CREBBP: variants seen among roughly 807,000 people sequenced by gnomAD.
CREBBP encodes CREB-binding protein.
Under a neutral mutation model 265.0 loss-of-function variants are expected in CREBBP, and 19 were observed. That is an observed-to-expected ratio of 0.07 (90% CI 0.05 to 0.11). The LOEUF (loss-of-function observed/expected upper bound fraction) is 0.11, where lower values mean the gene tolerates loss of function less well. Among genes scored for constraint, CREBBP ranks in the 10% least tolerant of loss-of-function variants. The pLI is 1.00. For synonymous variants in CREBBP, 1,457 were observed against 1,223.7 expected (o/e 1.19, Z -3.98); for missense variants, 2,525 against 3,219.0 (o/e 0.78, Z 5.22).
chr16:3,758,762 G>T, intron 17 of CREBBP, 92 bp downstream of exon 17: 1 of 971,670 alleles, frequency 1.0e-6, no homozygotes, highest in South Asian at 1.3e-5. Flanking sequence ...TCAAGGCAGG[G>T]GGATTATTTT....
At chr16:3,753,698 C>G (rs2052525245) in intron 19 of CREBBP, among the ~76,000 whole-genome samples, 1 of 152,236 alleles carries the variant, frequency 6.6e-6, no homozygotes, top group Admixed American at 6.5e-5. Flanking sequence ...AGTACAGAAA[C>G]TATAAACCAA....
intron 3 of CREBBP, among the ~76,000 whole-genome samples, chr16:3,806,510 G>T (rs879430824): frequency 4.6e-5 from 7 of 151,310 alleles, no homozygotes; most frequent in Admixed American, 2.6e-4. Context: ...TCTTGCAGGA[G>T]ACCACGTGGG....
At chr16:3,879,669 G>A (rs1377289561) in intron 1 of CREBBP, among the ~76,000 whole-genome samples, 163 bp downstream of exon 1, 1 of 152,166 alleles carries the variant, frequency 6.6e-6, no homozygotes, top group African/African-American at 2.4e-5. Context: ...ACAGTCCTGC[G>A]ACGAACTTCC....
chr16:3,778,677 G>C (rs775001363), intron 9 of CREBBP, 23 bp downstream of exon 9: 6 of 1,548,912 alleles, frequency 3.9e-6, no homozygotes, highest in Middle Eastern at 1.7e-4. Context: ...GTAGAGGCCA[G>C]AGCACGGTAA....
chr16:3,874,820 T>C (rs2055367139), intron 1 of CREBBP, among the ~76,000 whole-genome samples: 1 of 152,142 alleles, frequency 6.6e-6, no homozygotes. Context: ...CTCTAGTTTC[T>C]TGGAATACAT....
rs1234402176 is a variant in CREBBP, at chr16:3,728,131, C to T, written c.6916G>A (p.Gly2306Arg). 6.2e-7 allele frequency: 1 copy of T among 1,614,148 alleles called. No homozygotes were observed. Among genetic ancestry groups the T allele is most frequent in the Non-Finnish European group, 8.5e-7 (1 of 1,180,026 alleles). ...LQQQQMKQQI[G>R]SPGQPNPMSP... ...ATGGGGTTCGGCTGGCCTGGGGACCCAATCTGCTGCTTCATCTGCTGTTGC... is the reference window on the plus strand; with the variant it reads ...ATGGGGTTCGGCTGGCCTGGGGACCTAATCTGCTGCTTCATCTGCTGTTGC... Residue 2306 changes from glycine (G) to arginine (R), a missense_variant, in exon 31 of 31, where the codon GGG becomes AGG. Physicochemically the swap from Gly to Arg is moderately radical, Grantham distance 125. Transcript: ENST00000262367. This position sits in a 1 kb window ranked among gnomAD's most constrained non-coding sequence, Gnocchi z 8.7.
At chr16:3,783,634 T>G (rs779973000) in intron 5 of CREBBP, among the ~76,000 whole-genome samples, 9 of 152,156 alleles carry the variant, frequency 5.9e-5, no homozygotes, top group Non-Finnish European at 1.2e-4. Flanking sequence ...AAGGTTGGAG[T>G]GAGGCTTCGC....
chr16:3,795,616 CCTTT>C lies in CREBBP; in HGVS notation c.976-1994_976-1991del, dbSNP rs528562263. 2.7e-3 allele frequency among the ~76,000 whole-genome samples: 408 copies of C among 152,304 alleles called. 1 individual carries two copies. Among genetic ancestry groups the C allele is most frequent in the Non-Finnish European group, 4.7e-3 (318 of 68,030 alleles). On this transcript the variant is annotated intron_variant, in intron 3 of 30. Coordinates refer to ENST00000262367, the MANE Select transcript of CREBBP (RefSeq NM_004380.3). Reference sequence around the variant, plus strand: ...GCATAAACTGGAATCCCTGGCCCCTCCTTTATTTTTTATAACTGTAAATAAAGCT... The same window carrying C: ...GCATAAACTGGAATCCCTGGCCCCTCATTTTTTATAACTGTAAATAAAGCT...
rs773030588 is a variant in CREBBP at position 3,728,258 on chromosome 16, C to G, written c.6789G>C (p.Gln2263His). 5 of 1,612,672 alleles carry G rather than the reference C, an allele frequency of 3.1e-6. No homozygotes were observed. Among genetic ancestry groups the G allele is most frequent in the Admixed American group, 3.3e-5 (2 of 59,982 alleles). Residue 2263 changes from glutamine to histidine, a missense_variant, in exon 31 of 31, where the codon CAG becomes CAC. By Grantham distance (24) the Gln-to-His change is conservative. Transcript: ENST00000262367. The surrounding 1 kb of genome is among the most constrained non-coding windows in gnomAD (Gnocchi z 8.7). ...CAAGCTGTCCCATCTGAGCCGCCAT[C>G]TGGCCCATGGAGCTGCCCTGGAGGG... ...HLPLQGSSMG[Q>H]MAAQMGQLGQ...
chr16:3,815,320 A>C (rs1429632775), intron 2 of CREBBP, among the ~76,000 whole-genome samples: 1 of 152,112 alleles, frequency 6.6e-6, no homozygotes, highest in African/African-American at 2.4e-5. Context: ...CAGGCGGATC[A>C]CTTAAGGTCA....
chr16:3,781,544 T>C (rs1328318908), intron 6 of CREBBP, among the ~76,000 whole-genome samples: 1 of 152,092 alleles, frequency 6.6e-6, no homozygotes, highest in Non-Finnish European at 1.5e-5. Context: ...GTAACCAAAG[T>C]AAGGTGTGTT....
At chr16:3,738,436 A>T in intron 26 of CREBBP, 123 bp downstream of exon 26, 1 of 717,838 alleles carries the variant, frequency 1.4e-6, no homozygotes, top group Middle Eastern at 3.8e-4. Context: ...GAGATTCTGA[A>T]TTGATCTTAG....
chr16:3,799,334 T>C (rs558472968), intron 3 of CREBBP, among the ~76,000 whole-genome samples: 4 of 152,286 alleles, frequency 2.6e-5, no homozygotes, highest in Non-Finnish European at 5.9e-5. Context: ...TAAAAAGCTG[T>C]TTTTAAAAAG....
At chr16:3,759,418 G>A (rs759324399) in intron 16 of CREBBP, among the ~76,000 whole-genome samples, 3 of 151,874 alleles carry the variant, frequency 2.0e-5, no homozygotes, top group African/African-American at 7.3e-5. Flanking sequence ...GTGAAACCTC[G>A]TCTCTACTAA....
Position 3,855,885 on chromosome 16 carries a change from T to C in CREBBP, c.86-4876A>G, listed in dbSNP as rs74460247. Among the ~76,000 whole-genome samples the C allele has an allele frequency of 7.0e-3, 1,060 of 152,358 alleles. 13 individuals are homozygous for C. Among genetic ancestry groups the C allele is most frequent in the Middle Eastern group, 0.017 (5 of 294 alleles). On this transcript the variant is annotated intron_variant, in intron 1 of 30. Coordinates refer to ENST00000262367, the MANE Select transcript of CREBBP (RefSeq NM_004380.3). Reference sequence around the variant, plus strand: ...CTCTCTATCATAACTACTGTTTTGTTTGTTGCCCTCCAGGCTTTGTCCACC... The same window carrying C: ...CTCTCTATCATAACTACTGTTTTGTCTGTTGCCCTCCAGGCTTTGTCCACC...
At chr16:3,763,242 A>T (rs1290060081) in intron 16 of CREBBP, among the ~76,000 whole-genome samples, 1 of 149,306 alleles carries the variant, frequency 6.7e-6, no homozygotes, top group Non-Finnish European at 1.5e-5. Context: ...TGCAAACTTG[A>T]CCTCCTAGGC....
chr16:3,751,519 G>C (rs142110987), intron 20 of CREBBP, among the ~76,000 whole-genome samples: 20 of 152,328 alleles, frequency 1.3e-4, no homozygotes, highest in African/African-American at 4.3e-4. Context: ...TTGAACCCAA[G>C]TGGTCAAGGC....
intron 1 of CREBBP, among the ~76,000 whole-genome samples, chr16:3,856,174 T>C (rs1270484817): frequency 6.6e-6 from 1 of 152,216 alleles, no homozygotes; most frequent in Non-Finnish European, 1.5e-5. Flanking sequence ...CTCTGTCACC[T>C]CTGTGCAATG....
chr16:3,736,411 C>G (rs2052062775), intron 27 of CREBBP: 2 of 750,400 alleles, frequency 2.7e-6, no homozygotes, highest in East Asian at 2.7e-5. Flanking sequence ...CAGTGATGCA[C>G]AGGCCCCAAT....
Sources: gnomAD v4.1 joint callset for allele counts (sites outside exome capture counted in the v4.1 genomes callset) on GRCh38, gnomAD v4.1.1 for gene constraint, Gnocchi (gnomAD v3.1) non-coding constraint, MANE v1.5 for transcripts, NCBI Gene and HGNC (gene_info 2026-07-23, HGNC 2026-07-21) for gene names.